CELSR2: variants seen among roughly 807,000 people sequenced by gnomAD.
CELSR2 encodes the protein cadherin EGF LAG seven-pass G-type receptor 2.
CELSR2 carries 81 observed loss-of-function variants against 251.6 expected under a neutral mutation model. The observed-to-expected ratio is 0.32, with a 90% CI of 0.27 to 0.39. CELSR2 has a LOEUF of 0.39. Among genes scored for constraint, CELSR2 ranks in the 10% least tolerant of loss-of-function variants. CELSR2 has a pLI of 1.00. For missense variants in CELSR2, 3,365 were observed against 3,947.7 expected (o/e 0.85, Z 3.96); for synonymous variants, 1,721 against 1,670.5 (o/e 1.03, Z -0.74).
Position 109,263,710 on chromosome 1 carries a change from G to A in CELSR2, c.4934G>A (p.Arg1645His), listed in dbSNP as rs778101518. 85 of 1,613,786 alleles carry A rather than the reference G, an allele frequency of 5.3e-5. No homozygotes were observed. The highest frequency in any genetic ancestry group is 4.9e-4 in the Middle Eastern group (3 of 6,080). ...SQPWYLSLMF[R>H]TRQADGVLLQ... is the part of the protein sequence containing the mutation. Reference sequence around the variant, plus strand: ...CCCTGGTACCTCAGCCTCATGTTCCGCACGCGCCAGGCCGACGGTGTCCTG... The same window carrying A: ...CCCTGGTACCTCAGCCTCATGTTCCACACGCGCCAGGCCGACGGTGTCCTG... Residue 1645 changes from arginine to histidine, a missense_variant, in exon 9 of 34, where the codon CGC becomes CAC. Arg to His is a conservative substitution (Grantham distance 29). This residue lies in a region of CELSR2 where 2,093 missense variants were observed against 2,382.8 expected (regional missense o/e 0.88). Transcript: ENST00000271332.
In CELSR2 at chr1:109,258,700, C is replaced by G. The variant is rs536758358; in HGVS notation, c.3579C>G (p.Pro1193=). ...VSLSVGQPPG[P]GGGPPFLPSE... ...TGTCGGTGGGCCAGCCGCCAGGGCC[C>G]GGGGGCGGGCCGCCCTTCCTGCCCT... The change falls in exon 2 of 34, where the codon CCC becomes CCG. Residue 1193 remains proline, a synonymous_variant. Coordinates refer to ENST00000271332, the MANE Select transcript of CELSR2 (RefSeq NM_001408.3). 22 of 1,549,810 alleles carry G rather than the reference C, an allele frequency of 1.4e-5. No individual in the cohort carries two copies. The East Asian group carries it at 4.4e-4, about 31-fold the overall frequency.
intron 1 of CELSR2, among the ~76,000 whole-genome samples, chr1:109,255,732 A>C (rs535563063): frequency 1.3e-5 from 2 of 151,830 alleles, no homozygotes; most frequent in East Asian, 3.9e-4. Context: ...CAGGCAACGT[A>C]CTCCCCACCC....
At position 109,258,646 on chromosome 1, in the gene CELSR2, C is replaced by T. The variant is rs1459386155; in HGVS notation, c.3525C>T (p.Ala1175=). Reference sequence around the variant, plus strand: ...TCAACGTACAGCGGGACACCGACGCCCCCGGGGGCCACATCCTCAACGTGA... The same window carrying T: ...TCAACGTACAGCGGGACACCGACGCTCCCGGGGGCCACATCCTCAACGTGA... ...VVFNVQRDTD[A]PGGHILNVSL... is the part of the protein sequence containing the mutation. Residue 1175 remains alanine (A), a synonymous_variant, in exon 2 of 34, where the codon GCC becomes GCT. Coordinates refer to ENST00000271332, the MANE Select transcript of CELSR2 (RefSeq NM_001408.3). The T allele has an allele frequency of 1.3e-6, 2 of 1,551,150 alleles. No homozygotes were observed. The highest frequency in any genetic ancestry group is 1.4e-5 in the African/African-American group (1 of 73,174).
chr1:109,267,000 C>T (rs1209792985), intron 15 of CELSR2, among the ~76,000 whole-genome samples: 1 of 152,122 alleles, frequency 6.6e-6, no homozygotes, highest in African/African-American at 2.4e-5. Context: ...AGATTACAGG[C>T]GTGAGCCACC....
Position 109,274,396 on chromosome 1 carries a change from TC to T in CELSR2, c.*351del, listed in dbSNP as rs1346636734. ...TTTTTTTTATACGCTGGAAATTGAC[TC>T]CCCTTTCCCTTCCCAAAGAGGATAG... On this transcript the variant is annotated 3_prime_UTR_variant, in exon 34 of 34. Coordinates refer to ENST00000271332, the MANE Select transcript of CELSR2 (RefSeq NM_001408.3). 1 of 365,416 alleles carries T rather than the reference TC, an allele frequency of 2.7e-6. No individual in the cohort carries two copies. 22.6% of individuals were successfully genotyped at this position (365,416 alleles called of 1,614,324 possible). A position where few individuals can be genotyped will look rare whatever the true frequency, so the allele number is the denominator to read the frequency against.
intron 1 of CELSR2, among the ~76,000 whole-genome samples, chr1:109,253,815 C>G (rs992641942): frequency 2.6e-5 from 4 of 152,244 alleles, no homozygotes; most frequent in African/African-American, 9.6e-5. Flanking sequence ...GATATTCCTG[C>G]AGTCTCACAC....
intron 6 of CELSR2, among the ~76,000 whole-genome samples, 162 bp downstream of exon 6, chr1:109,262,606 C>T (rs1656049496): frequency 6.6e-6 from 1 of 152,164 alleles, no homozygotes; most frequent in African/African-American, 2.4e-5. Flanking sequence ...GAGCAAGGCC[C>T]TGTGGGGCAG....
At chr1:109,255,727 A>T (rs958210274) in intron 1 of CELSR2, among the ~76,000 whole-genome samples, 1 of 152,222 alleles carries the variant, frequency 6.6e-6, no homozygotes, top group Non-Finnish European at 1.5e-5. Flanking sequence ...CAGCTCAGGC[A>T]ACGTACTCCC....
In CELSR2 at chr1:109,271,737, G is replaced by A. The variant is rs748081513; in HGVS notation, c.7926+15G>A. ...CCCTGACCTCGGTGAGGGAGCCAGG[G>A]GTCTCAGGAGGGCGGTGAAGGGAGG... On this transcript the variant is annotated intron_variant, in intron 28 of 33. Coordinates refer to ENST00000271332, the MANE Select transcript of CELSR2 (RefSeq NM_001408.3). The A allele has an allele frequency of 6.2e-7, 1 of 1,612,940 alleles. No homozygotes were observed. Among genetic ancestry groups the A allele is most frequent in the South Asian group, 1.1e-5 (1 of 91,012 alleles).
chr1:109,274,028 CTTCT>C lies in CELSR2; in HGVS notation c.8754_8757del (p.Phe2918LeufsTer50). On this transcript the variant is annotated frameshift_variant, in exon 34 of 34. Transcript: ENST00000271332. LOFTEE classifies it high-confidence loss of function. ...TCCTTTCCTGCCTCTCCAGATTTCT[CTTCT>C]TTAACTTCCTGCATTAACCCTGGGC... 2 of 1,614,168 alleles carry C rather than the reference CTTCT, an allele frequency of 1.2e-6. No individual in the cohort carries two copies. Among genetic ancestry groups the C allele is most frequent in the Non-Finnish European group, 1.7e-6 (2 of 1,180,016 alleles).
At position 109,249,717 on chromosome 1, in the gene CELSR2, C is replaced by T. The variant is rs1422843181; in HGVS notation, c.-363C>T. Among the ~76,000 whole-genome samples the T allele has an allele frequency of 3.4e-5, 5 of 148,414 alleles. No individual in the cohort carries two copies. Among genetic ancestry groups the T allele is most frequent in the African/African-American group, 4.9e-5 (2 of 40,922 alleles). ...GGCTACGCGGGCGCAGGTGGGCGAT[C>T]CCATAGGGGCGGAGGGGGCACCCCG... On this transcript the variant is annotated 5_prime_UTR_variant, in exon 1 of 34. Coordinates refer to ENST00000271332, the MANE Select transcript of CELSR2 (RefSeq NM_001408.3).
intron 8 of CELSR2, 64 bp from the exon 9 acceptor site, chr1:109,263,547 C>T: frequency 1.3e-6 from 2 of 1,579,856 alleles, no homozygotes; most frequent in Non-Finnish European, 1.7e-6. Context: ...CACCGCTGAG[C>T]ATCACAGCCC....
rs760258795 is a variant in CELSR2 at position 109,258,893 on chromosome 1, T to G, written c.3772T>G (p.Ser1258Ala). The G allele has an allele frequency of 9.9e-6, 16 of 1,612,530 alleles. No homozygotes were observed. Among genetic ancestry groups the G allele is most frequent in the African/African-American group, 2.7e-5 (2 of 75,030 alleles). The change falls in exon 2 of 34, where the codon TCC (serine) becomes GCC (alanine). Residue 1258 changes from serine (S) to alanine (A), a missense_variant. Around this residue, in one of 5 missense-constraint regions of CELSR2, gnomAD observed 2,093 missense variants for 2,382.8 expected, o/e 0.88. Coordinates refer to ENST00000271332, the MANE Select transcript of CELSR2 (RefSeq NM_001408.3). ...RFDSSAPFIA[S>A]SSVLFRPIHP... ...CGACTCCTCCGCGCCCTTCATCGCC[T>G]CCTCCTCCGTGCTCTTCCGGCCCAT...
intron 24 of CELSR2, 140 bp from the exon 25 acceptor site, chr1:109,270,787 G>T: frequency 1.0e-6 from 1 of 992,656 alleles, no homozygotes; most frequent in Non-Finnish European, 1.5e-6. Context: ...CCCTTATCCT[G>T]GGGAGATCGG....
chr1:109,261,647 C>T lies in CELSR2; in HGVS notation c.4297+19C>T. ...TCTGCAGGTGATCACAGTTGCCCCC[C>T]ATCCTTGCCCATCTTCCAAAGGCCC... On this transcript the variant is annotated intron_variant, in intron 4 of 33. Coordinates refer to ENST00000271332, the MANE Select transcript of CELSR2 (RefSeq NM_001408.3). This position sits in a 1 kb window ranked among gnomAD's most constrained non-coding sequence, Gnocchi z 4.8. The T allele has an allele frequency of 2.5e-6, 4 of 1,597,514 alleles. No homozygotes were observed. Among genetic ancestry groups the T allele is most frequent in the Non-Finnish European group, 1.7e-6 (2 of 1,164,838 alleles).
In CELSR2 at chr1:109,272,985, G is replaced by C. The variant is rs1323079582; in HGVS notation, c.8296G>C (p.Gly2766Arg). 6.2e-7 allele frequency: 1 copy of C among 1,613,830 alleles called. No homozygotes were observed. The highest frequency in any genetic ancestry group is 1.3e-5 in the African/African-American group (1 of 74,940). ...PGEQGWDSLL[G>R]PGAERLPLHS... Reference sequence around the variant, plus strand: ...AGAGCAGGGCTGGGATAGCCTGCTGGGGCCTGGAGCAGAGAGACTGCCCCT... The same window carrying C: ...AGAGCAGGGCTGGGATAGCCTGCTGCGGCCTGGAGCAGAGAGACTGCCCCT... The change falls in exon 31 of 34, where the codon GGG becomes CGG. Residue 2766 changes from glycine (G) to arginine (R), a missense_variant. By Grantham distance (125) the Gly-to-Arg change is moderately radical (BLOSUM62 -2). Transcript: ENST00000271332.
rs1656318623 is a variant in CELSR2 at position 109,269,866 on chromosome 1, G to A, written c.7107+46G>A. 2 of 1,613,124 alleles carry A rather than the reference G, an allele frequency of 1.2e-6. No individual in the cohort carries two copies. Among genetic ancestry groups the A allele is most frequent in the Admixed American group, 1.7e-5 (1 of 59,988 alleles). On this transcript the variant is annotated intron_variant, in intron 22 of 33. Coordinates refer to ENST00000271332, the MANE Select transcript of CELSR2 (RefSeq NM_001408.3). The surrounding 1 kb of genome is among the most constrained non-coding windows in gnomAD (Gnocchi z 6.4). ...TGCAGAGCCGTGGGTGGGCACCCAG[G>A]GCACGGGGCTGGGTGCTCAGGTCCT... is the stretch of plus-strand genomic sequence containing the variant.
Position 109,271,190 on chromosome 1 carries a change from C to A in CELSR2, c.7597-27C>A, listed in dbSNP as rs143531167. 4.4e-4 allele frequency: 705 copies of A among 1,607,622 alleles called. 3 individuals carry two copies. In the African/African-American group the frequency reaches 8.0e-3, roughly 18 times the overall value. ...GTGGAAGCTGTTTGTCCCCACTGAG[C>A]ACCCCATGCCCTCTGCCCCTGCCTA... is the stretch of plus-strand genomic sequence containing the variant. On this transcript the variant is annotated intron_variant, in intron 25 of 33. Transcript: ENST00000271332.
In CELSR2 at chr1:109,253,359, C is replaced by T. The variant is rs1655754270; in HGVS notation, c.3280C>T (p.Leu1094=). The T allele has an allele frequency of 6.2e-7, 1 of 1,613,040 alleles. No homozygotes were observed. The highest frequency in any genetic ancestry group is 1.3e-5 in the African/African-American group (1 of 74,942). ...LSRALDNNRP[L]EAIMSVLVSD... ...CCGCGCACTGGACAACAACCGGCCT[C>T]TGGAGGCCATCATGAGCGTGCTGGT... Residue 1094 remains leucine, a synonymous_variant, in exon 1 of 34, where the codon CTG becomes TTG. Coordinates refer to ENST00000271332, the MANE Select transcript of CELSR2 (RefSeq NM_001408.3).
Sources: gnomAD v4.1 joint callset for allele counts (sites outside exome capture counted in the v4.1 genomes callset) on GRCh38, gnomAD v4.1.1 for gene constraint, gnomAD v4.1.1 regional missense constraint, Gnocchi (gnomAD v3.1) non-coding constraint, MANE v1.5 for transcripts, NCBI Gene and HGNC (gene_info 2026-07-23, HGNC 2026-07-21) for gene names.